LINGO2: variants seen among roughly 807,000 people sequenced by gnomAD.
LINGO2 encodes leucine-rich repeat and immunoglobulin-like domain-containing nogo receptor-interacting protein 2.
A neutral mutation model predicts 30.6 loss-of-function variants in LINGO2; 14 were observed. The observed-to-expected ratio is 0.46, with a 90% confidence interval of 0.30 to 0.72. The LOEUF (loss-of-function observed/expected upper bound fraction) is 0.72. LINGO2 is among the 30% of genes least tolerant of loss of function. LINGO2 has a pLI of 0.07. For synonymous variants in LINGO2, 317 were observed against 288.5 expected (o/e 1.10, Z -1.00); for missense variants, 729 against 751.7 (o/e 0.97, Z 0.35).
chr9:29,100,429 AC>A, the LINGO2 span, among the ~76,000 whole-genome samples: 1 of 152,030 alleles, frequency 6.6e-6, no homozygotes. Flanking sequence ...CCACATCTCT[AC>A]TAAAGATACA....
the LINGO2 span, among the ~76,000 whole-genome samples, chr9:29,051,844 G>C: frequency 6.6e-6 from 1 of 152,010 alleles, no homozygotes; most frequent in African/African-American, 2.4e-5. Context: ...GGACCTCTTT[G>C]TGTTATAAAT....
intron 5 of LINGO2, among the ~76,000 whole-genome samples, chr9:28,005,188 G>T (rs1822200402): frequency 1.3e-5 from 2 of 152,172 alleles, no homozygotes; most frequent in South Asian, 4.1e-4. Flanking sequence ...GTGACTGGCT[G>T]AGGTCATACC....
the LINGO2 span, among the ~76,000 whole-genome samples, chr9:29,158,184 T>TA: frequency 0.081 from 9,701 of 119,656 alleles, 371 homozygotes; most frequent in Non-Finnish European, 0.11. Flanking sequence ...CTACACAAAG[T>TA]AAAAAAAAAC....
At chr9:28,989,563 A>C in the LINGO2 span, among the ~76,000 whole-genome samples, 4 of 152,196 alleles carry the variant, frequency 2.6e-5, no homozygotes, top group African/African-American at 9.7e-5. Flanking sequence ...GATTTTAGGC[A>C]GTCACTTAAC....
At chr9:28,197,896 A>T (rs905731958) in intron 4 of LINGO2, among the ~76,000 whole-genome samples, 2 of 152,040 alleles carry the variant, frequency 1.3e-5, no homozygotes, top group African/African-American at 2.4e-5. Flanking sequence ...CTTACTCATT[A>T]TAAGAGAAAT....
At chr9:28,198,369 ACT>A (rs1820094149) in intron 4 of LINGO2, among the ~76,000 whole-genome samples, 1 of 152,242 alleles carries the variant, frequency 6.6e-6, no homozygotes, top group Admixed American at 6.5e-5. Context: ...ATGCACAGAT[ACT>A]CTCTGGATAA....
exon 6 of LINGO2, chr9:27,949,117 T>C (rs1823491309): frequency 6.2e-7 from 1 of 1,614,058 alleles, no homozygotes; most frequent in Non-Finnish European, 8.5e-7. Flanking sequence ...TTGGAGTCGG[T>C]CATGTACATA....
chr9:28,387,137 C>T (rs935250058), intron 2 of LINGO2, among the ~76,000 whole-genome samples: 5 of 151,866 alleles, frequency 3.3e-5, no homozygotes, highest in African/African-American at 1.2e-4. Flanking sequence ...CACCAATCAG[C>T]ACTCTGTGTC....
the LINGO2 span, among the ~76,000 whole-genome samples, chr9:28,751,217 G>A: frequency 6.9e-6 from 1 of 144,696 alleles, no homozygotes; most frequent in African/African-American, 2.5e-5. Flanking sequence ...TTTCAGCCCA[G>A]GAGTTCAAGG....
At chr9:28,068,103 TC>T (rs1432935471) in intron 4 of LINGO2, among the ~76,000 whole-genome samples, 1 of 152,176 alleles carries the variant, frequency 6.6e-6, no homozygotes. Flanking sequence ...TTTGATTGGA[TC>T]CCCAAATTGC....
chr9:28,767,848 C>T, the LINGO2 span, among the ~76,000 whole-genome samples: 1 of 150,488 alleles, frequency 6.6e-6, no homozygotes, highest in African/African-American at 2.4e-5. Flanking sequence ...TCATTTTCTC[C>T]TCCATCTCTT....
At chr9:28,787,758 T>G in the LINGO2 span, among the ~76,000 whole-genome samples, 1 of 152,182 alleles carries the variant, frequency 6.6e-6, no homozygotes, top group East Asian at 1.9e-4. Context: ...TTATTTACTA[T>G]GTAGCTATTT....
At chr9:28,088,929 A>G (rs991180954) in intron 4 of LINGO2, among the ~76,000 whole-genome samples, 1 of 152,214 alleles carries the variant, frequency 6.6e-6, no homozygotes, top group Non-Finnish European at 1.5e-5. Flanking sequence ...TCTCTGATAA[A>G]ACAGACTTTA....
At position 28,466,717 on chromosome 9, in the gene LINGO2, T is replaced by C. The variant is rs1587712421; in HGVS notation, c.-279+9223A>G. 2.6e-5 allele frequency among the ~76,000 whole-genome samples: 4 copies of C among 152,242 alleles called. No individual in the cohort carries two copies. The South Asian group carries it at 8.3e-4, about 32-fold the overall frequency. ...AAATATTTCATATACCCCATAAATATATATACCTACTCTGTACCCACAATA... is the reference window on the plus strand; with the variant it reads ...AAATATTTCATATACCCCATAAATACATATACCTACTCTGTACCCACAATA... On this transcript the variant is annotated intron_variant, in intron 2 of 5. Coordinates refer to ENST00000379992, the Ensembl canonical transcript of LINGO2.
At chr9:28,275,325 GGCCTCCCAAAGT>G (rs1823080065) in intron 4 of LINGO2, among the ~76,000 whole-genome samples, 1 of 151,820 alleles carries the variant, frequency 6.6e-6, no homozygotes, top group African/African-American at 2.4e-5. Flanking sequence ...CGCCTACCTT[GGCCTCCCAAAGT>G]GCTGGGATTA....
chr9:27,997,339 T>A (rs1821716906), intron 5 of LINGO2, among the ~76,000 whole-genome samples: 1 of 152,194 alleles, frequency 6.6e-6, no homozygotes, highest in Non-Finnish European at 1.5e-5. Context: ...TGAAATATAA[T>A]GCCATTCATT....
chr9:29,140,041 G>T, the LINGO2 span, among the ~76,000 whole-genome samples: 3 of 152,222 alleles, frequency 2.0e-5, no homozygotes, highest in African/African-American at 7.2e-5. Flanking sequence ...CCACAGAAAA[G>T]GTTTGGGAAG....
At chr9:28,930,209 G>T in the LINGO2 span, among the ~76,000 whole-genome samples, 1 of 151,846 alleles carries the variant, frequency 6.6e-6, no homozygotes, top group South Asian at 2.1e-4. This position sits in a 1 kb window ranked among gnomAD's most constrained non-coding sequence, Gnocchi z 4.2. Flanking sequence ...TGCACAAGGG[G>T]TACTGCTTCC....
intron 3 of LINGO2, among the ~76,000 whole-genome samples, chr9:28,347,009 C>T (rs1291219019): frequency 6.6e-6 from 1 of 152,180 alleles, no homozygotes; most frequent in Non-Finnish European, 1.5e-5. Context: ...ATTTCTTTTG[C>T]TGTACAGAAG....
Sources: allele counts gnomAD v4.1 joint callset (sites outside exome capture counted in the v4.1 genomes callset), GRCh38; gene constraint gnomAD v4.1.1; non-coding constraint Gnocchi (gnomAD v3.1); transcripts MANE v1.5; gene names NCBI Gene and HGNC (gene_info 2026-07-23, HGNC 2026-07-21).